RORA: variants seen among roughly 807,000 people sequenced by gnomAD.
RORA encodes the protein RAR related orphan receptor A.
Under a neutral mutation model 69.5 loss-of-function variants are expected in RORA, and 7 were observed. The ratio of observed to expected loss-of-function variants is 0.10; its 90% CI spans 0.06 to 0.19. The LOEUF is 0.19. Among genes scored for constraint, RORA ranks in the 10% least tolerant of loss-of-function variants. The pLI is 1.00. For missense variants in RORA, 457 were observed against 663.0 expected, an observed-to-expected ratio of 0.69 and a Z score of 3.41; for synonymous variants, 261 against 240.8, an observed-to-expected ratio of 1.08 and a Z score of -0.78.
At chr15:61,033,015 T>C (rs1222205564) in intron 1 of RORA, among the ~76,000 whole-genome samples, 2 of 152,336 alleles carry the variant, frequency 1.3e-5, no homozygotes, top group African/African-American at 2.4e-5. Context: ...GAGGTAGGCA[T>C]TGCCTTTCCT....
At chr15:61,168,144 A>T (rs1245402478) in intron 1 of RORA, among the ~76,000 whole-genome samples, 2 of 150,332 alleles carry the variant, frequency 1.3e-5, no homozygotes. Context: ...ATATATACAC[A>T]TATATACATA....
Position 60,511,631 on chromosome 15 carries a change from A to G in RORA, c.425-10T>C, listed in dbSNP as rs2141321190. 6.3e-7 allele frequency: 1 copy of G among 1,598,866 alleles called. No individual in the cohort carries two copies. The highest frequency in any genetic ancestry group is 1.1e-5 in the South Asian group (1 of 89,112). ...CGGCCAAATTTTACAGCTGGAAGAAAAAAGCCAAACCATACTACATACAAT... is the reference window on the plus strand; with the variant it reads ...CGGCCAAATTTTACAGCTGGAAGAAGAAAGCCAAACCATACTACATACAAT... On this transcript the variant is annotated splice_polypyrimidine_tract_variant and intron_variant, in intron 4 of 10. Coordinates refer to ENST00000335670, the MANE Select transcript of RORA (RefSeq NM_134261.3). This position sits in a 1 kb window ranked among gnomAD's most constrained non-coding sequence, Gnocchi z 6.4.
chr15:61,038,114 G>A (rs782964), intron 1 of RORA, among the ~76,000 whole-genome samples: 129,379 of 152,190 alleles, frequency 0.85, 55,183 homozygotes, highest in East Asian at 1. Context: ...TTCAAAGAGA[G>A]AAAGAGTCCT....
chr15:60,937,402 A>G (rs1892557519), intron 1 of RORA, among the ~76,000 whole-genome samples: 1 of 152,204 alleles, frequency 6.6e-6, no homozygotes, highest in Admixed American at 6.5e-5. Context: ...TTCTAGTTGG[A>G]AAGCCAAGGT....
At chr15:60,601,440 C>T (rs1298017203) in intron 2 of RORA, among the ~76,000 whole-genome samples, 5 of 152,112 alleles carry the variant, frequency 3.3e-5, no homozygotes, top group South Asian at 2.1e-4. Context: ...TTTTGTATTT[C>T]GGAATAATCA....
At chr15:60,814,958 T>C (rs1424106937) in intron 1 of RORA, among the ~76,000 whole-genome samples, 3 of 152,202 alleles carry the variant, frequency 2.0e-5, no homozygotes, top group Admixed American at 2.0e-4. Context: ...ATTCTTTGCC[T>C]AGGCACTAGG....
Position 60,495,181 on chromosome 15 carries a change from T to C in RORA, c.*2274A>G, listed in dbSNP as rs1348213821. ...CAGAGGAGAAACAATAGAAAAAAAA[T>C]GGATGAATAAATAACTGAACTAAGC... On this transcript the variant is annotated 3_prime_UTR_variant, in exon 11 of 11. Coordinates refer to ENST00000335670, the MANE Select transcript of RORA (RefSeq NM_134261.3). The C allele has an allele frequency of 6.7e-6, 1 of 149,916 alleles. No individual in the cohort carries two copies. The highest frequency in any genetic ancestry group is 2.5e-5 in the African/African-American group (1 of 40,658). 9.3% of individuals were successfully genotyped at this position (149,916 alleles called of 1,614,324 possible).
At chr15:61,080,208 G>A (rs1011098678) in intron 1 of RORA, among the ~76,000 whole-genome samples, 3 of 152,094 alleles carry the variant, frequency 2.0e-5, no homozygotes, top group Non-Finnish European at 2.9e-5. Context: ...CAAACCCCAT[G>A]CAAATTTCAC....
At chr15:60,850,897 C>T (rs139225119) in intron 1 of RORA, among the ~76,000 whole-genome samples, 100 of 152,264 alleles carry the variant, frequency 6.6e-4, no homozygotes, top group African/African-American at 2.3e-3. Flanking sequence ...GGGACAACAA[C>T]GAAAACAAGA....
intron 1 of RORA, among the ~76,000 whole-genome samples, chr15:60,856,061 G>A (rs1276867123): frequency 6.6e-6 from 1 of 152,102 alleles, no homozygotes; most frequent in Admixed American, 6.5e-5. Context: ...AACCTCAAGG[G>A]ATCCTTAAAC....
chr15:60,888,939 T>G, intron 1 of RORA, among the ~76,000 whole-genome samples: 2 of 151,752 alleles, frequency 1.3e-5, no homozygotes, highest in Admixed American at 6.6e-5. Context: ...GGGGGCAGAG[T>G]AGGAGCCTTC....
intron 1 of RORA, among the ~76,000 whole-genome samples, chr15:60,912,695 A>G (rs1054971696): frequency 2.0e-5 from 3 of 152,176 alleles, no homozygotes; most frequent in Non-Finnish European, 4.4e-5. Context: ...CGGAGCTTGC[A>G]GTGAGCCAAG....
chr15:60,944,626 G>A (rs1216237012), intron 1 of RORA, among the ~76,000 whole-genome samples: 2 of 150,216 alleles, frequency 1.3e-5, no homozygotes, highest in African/African-American at 2.5e-5. Context: ...TTAGGAGGCT[G>A]AGGTGAGAGG....
At chr15:60,952,365 C>G (rs974434347) in intron 1 of RORA, among the ~76,000 whole-genome samples, 11 of 152,248 alleles carry the variant, frequency 7.2e-5, no homozygotes, top group African/African-American at 2.6e-4. Context: ...AAAGCATTCC[C>G]TTTGAAAACT....
chr15:60,610,980 A>G (rs756145438), intron 2 of RORA, among the ~76,000 whole-genome samples: 5 of 152,246 alleles, frequency 3.3e-5, no homozygotes, highest in Non-Finnish European at 7.3e-5. Context: ...TCAGAAGATA[A>G]TAAAAAGTTC....
chr15:60,496,134 A>C lies in RORA; in HGVS notation c.*1321T>G, dbSNP rs375797137. ...CAAATATGGAGAGCAACATTCTTGA[A>C]TTATAGCATCTATTGACAACAAATC... On this transcript the variant is annotated 3_prime_UTR_variant, in exon 11 of 11. Transcript: ENST00000335670. This position sits in a 1 kb window ranked among gnomAD's most constrained non-coding sequence, Gnocchi z 4.5. 15 of 152,296 alleles carry C rather than the reference A, an allele frequency of 9.8e-5. No individual in the cohort carries two copies. Among genetic ancestry groups the C allele is most frequent in the African/African-American group, 2.9e-4 (12 of 41,560 alleles). The allele number at this position is 152,296 out of a possible 1,614,324, so 9.4% of individuals were successfully genotyped here. A position where few individuals can be genotyped will look rare whatever the true frequency, so the allele number is the denominator to read the frequency against.
chr15:60,985,877 G>A (rs1894188363), intron 1 of RORA, among the ~76,000 whole-genome samples: 1 of 152,150 alleles, frequency 6.6e-6, no homozygotes, highest in Non-Finnish European at 1.5e-5. Context: ...AACGCGCCCA[G>A]CCGACATGTT....
At chr15:60,573,657 C>A (rs2067947444) in intron 2 of RORA, among the ~76,000 whole-genome samples, 1 of 152,320 alleles carries the variant, frequency 6.6e-6, no homozygotes, top group Non-Finnish European at 1.5e-5. Flanking sequence ...CCCGACTTGC[C>A]TTGCTCACTG....
intron 1 of RORA, among the ~76,000 whole-genome samples, chr15:61,175,295 C>T (rs775522879): frequency 9.2e-5 from 14 of 152,074 alleles, no homozygotes; most frequent in Non-Finnish European, 1.6e-4. Flanking sequence ...TACAAGGCTG[C>T]CCAGCCCAGT....
Sources: allele counts gnomAD v4.1 joint callset (sites outside exome capture counted in the v4.1 genomes callset), GRCh38; gene constraint gnomAD v4.1.1; non-coding constraint Gnocchi (gnomAD v3.1); transcripts MANE v1.5; gene names NCBI Gene and HGNC (gene_info 2026-07-23, HGNC 2026-07-21).